MAP4K5: variants seen among roughly 807,000 people sequenced by gnomAD.
MAP4K5 encodes mitogen-activated protein kinase kinase kinase kinase 5.
A neutral mutation model predicts 135.6 loss-of-function variants in MAP4K5; 82 were observed. The ratio of observed to expected loss-of-function variants is 0.60; its 90% CI spans 0.51 to 0.73. MAP4K5 has a LOEUF of 0.73. Ranked by LOEUF, MAP4K5 falls within the 30% of genes least tolerant of loss-of-function variation. The pLI, the probability that MAP4K5 is intolerant of heterozygous loss-of-function variation, is 0.00. For synonymous variants in MAP4K5, 347 were observed against 335.0 expected (o/e 1.04, Z -0.39); for missense variants, 907 against 1,010.9 (o/e 0.90, Z 1.39).
intron 1 of MAP4K5, among the ~76,000 whole-genome samples, chr14:50,549,219 G>T (rs1215914277): frequency 6.6e-6 from 1 of 152,116 alleles, no homozygotes; most frequent in African/African-American, 2.4e-5. Flanking sequence ...GTCTAGCAAA[G>T]GCACCCAACA....
At chr14:50,447,959 A>G (rs1022667903) in intron 15 of MAP4K5, among the ~76,000 whole-genome samples, 4 of 152,212 alleles carry the variant, frequency 2.6e-5, no homozygotes, top group African/African-American at 9.6e-5. Flanking sequence ...TCAATAGGCT[A>G]GGTTAGGCTA....
At chr14:50,529,377 A>T (rs2038337627) in intron 2 of MAP4K5, among the ~76,000 whole-genome samples, 1 of 152,160 alleles carries the variant, frequency 6.6e-6, no homozygotes, top group South Asian at 2.1e-4. Flanking sequence ...ACAGAGCGAC[A>T]TCCTGTATCC....
chr14:50,461,531 G>GA lies in MAP4K5; in HGVS notation c.936+1133dup, dbSNP rs755799551. ...AACATAAGGAGAGAAAGAGACTGGTGAAAAAATATAGCTGTGCTATAGTCA... is the reference window on the plus strand; with the variant it reads ...AACATAAGGAGAGAAAGAGACTGGTGAAAAAAATATAGCTGTGCTATAGTCA... On this transcript the variant is annotated intron_variant, in intron 13 of 32. Coordinates refer to ENST00000682126, the MANE Select transcript of MAP4K5 (RefSeq NM_006575.6). 7.2e-5 allele frequency among the ~76,000 whole-genome samples: 11 copies of GA among 152,204 alleles called. No homozygotes were observed. In the East Asian group the frequency reaches 7.7e-4, roughly 11 times the overall value.
At chr14:50,459,972 A>G (rs895154503) in intron 13 of MAP4K5, among the ~76,000 whole-genome samples, 4 of 152,008 alleles carry the variant, frequency 2.6e-5, no homozygotes, top group African/African-American at 9.7e-5. Context: ...CAGTGCTGAG[A>G]TTACAGACAG....
intron 9 of MAP4K5, among the ~76,000 whole-genome samples, chr14:50,473,716 CTT>C (rs398077753): frequency 1.0e-5 from 1 of 95,502 alleles, no homozygotes; most frequent in Non-Finnish European, 1.9e-5. Flanking sequence ...TTTGGTTTCA[CTT>C]TTTTTTTTTT....
chr14:50,468,580 C>T, intron 10 of MAP4K5, 71 bp downstream of exon 10: 1 of 1,460,830 alleles, frequency 6.8e-7, no homozygotes, highest in Non-Finnish European at 9.4e-7. Context: ...GAGCTTGATG[C>T]TGAGTTATCA....
At chr14:50,477,745 T>G (rs907232043) in intron 6 of MAP4K5, among the ~76,000 whole-genome samples, 3 of 152,164 alleles carry the variant, frequency 2.0e-5, no homozygotes, top group South Asian at 2.1e-4. Context: ...TGGTTTTTCT[T>G]TTTTAGTTGT....
chr14:50,489,031 C>T (rs542350812), intron 3 of MAP4K5, among the ~76,000 whole-genome samples: 1 of 152,202 alleles, frequency 6.6e-6, no homozygotes, highest in African/African-American at 2.4e-5. Context: ...ATCTGAAATT[C>T]GGATAGTTGA....
intron 5 of MAP4K5, 29 bp from the exon 6 acceptor site, chr14:50,482,445 T>C (rs760906828): frequency 1.5e-5 from 21 of 1,441,072 alleles, no homozygotes; most frequent in East Asian, 2.5e-5. Flanking sequence ...CACATTGTTA[T>C]ACATTTAAAC....
chr14:50,558,485 C>T (rs907714150), intron 1 of MAP4K5, among the ~76,000 whole-genome samples: 14 of 152,160 alleles, frequency 9.2e-5, no homozygotes, highest in Non-Finnish European at 1.9e-4. Flanking sequence ...GCCAATAGTA[C>T]AAAAAGTCAC....
At position 50,502,094 on chromosome 14, in the gene MAP4K5, T is replaced by C. The variant is rs146793208; in HGVS notation, c.166+2706A>G. Among the ~76,000 whole-genome samples, 55 of 152,296 alleles carry C rather than the reference T, an allele frequency of 3.6e-4. No homozygotes were observed. In the East Asian group the frequency reaches 9.8e-3, roughly 27 times the overall value. On this transcript the variant is annotated intron_variant, in intron 3 of 32. Transcript: ENST00000682126. ...TCTAGTGGAAGATGATCAACACTTC[T>C]GTCAGAACTCATTTATGCCTACTGT...
intron 9 of MAP4K5, among the ~76,000 whole-genome samples, chr14:50,474,215 GTC>G (rs1182086449): frequency 1.3e-5 from 2 of 151,942 alleles, no homozygotes; most frequent in African/African-American, 4.8e-5. Context: ...CTGAAACCCT[GTC>G]TCTACAAAAA....
intron 10 of MAP4K5, among the ~76,000 whole-genome samples, chr14:50,467,712 C>T (rs1051141077): frequency 2.6e-5 from 4 of 151,996 alleles, no homozygotes; most frequent in Non-Finnish European, 5.9e-5. Flanking sequence ...TTGTATTGCC[C>T]ATAACAAATA....
chr14:50,558,181 A>G (rs1011070233), intron 1 of MAP4K5, among the ~76,000 whole-genome samples: 6 of 152,198 alleles, frequency 3.9e-5, no homozygotes, highest in Admixed American at 6.5e-5. Context: ...CCTGGGCAAC[A>G]TGGAGAAACC....
At chr14:50,439,952 G>C (rs1428179248) in intron 23 of MAP4K5, 61 bp downstream of exon 23, 8 of 1,324,426 alleles carry the variant, frequency 6.0e-6, no homozygotes, top group Non-Finnish European at 8.2e-6. Context: ...TAAAAATGGT[G>C]TATATTAAAA....
At chr14:50,468,043 C>A (rs567326317) in intron 10 of MAP4K5, among the ~76,000 whole-genome samples, 1 of 152,032 alleles carries the variant, frequency 6.6e-6, no homozygotes, top group South Asian at 2.1e-4. Context: ...TTTTCAGATG[C>A]CCTCAAATAT....
At chr14:50,512,424 A>C (rs919358132) in intron 2 of MAP4K5, among the ~76,000 whole-genome samples, 1 of 152,160 alleles carries the variant, frequency 6.6e-6, no homozygotes, top group Non-Finnish European at 1.5e-5. Context: ...ACAAAATGAC[A>C]TAAAATAAAG....
At chr14:50,550,412 C>G (rs1057178630) in intron 1 of MAP4K5, among the ~76,000 whole-genome samples, 4 of 152,348 alleles carry the variant, frequency 2.6e-5, no homozygotes, top group African/African-American at 9.6e-5. Flanking sequence ...GTAATGTCTT[C>G]TGAACTAGGC....
Position 50,443,686 on chromosome 14 carries a change from G to A in MAP4K5, c.1479+43C>T, listed in dbSNP as rs932524300. 4.6e-6 allele frequency: 7 copies of A among 1,524,334 alleles called. No homozygotes were observed. The African/African-American group carries it at 9.8e-5, about 21-fold the overall frequency. 94.4% of individuals were successfully genotyped at this position (1,524,334 alleles called of 1,614,324 possible). Reference sequence around the variant, plus strand: ...TAGCCAATATATTGCTGCTTCTAAAGAGAGAAAAAACGGCAAATAGTTCAC... The same window carrying A: ...TAGCCAATATATTGCTGCTTCTAAAAAGAGAAAAAACGGCAAATAGTTCAC... On this transcript the variant is annotated intron_variant, in intron 20 of 32. Coordinates refer to ENST00000682126, the MANE Select transcript of MAP4K5 (RefSeq NM_006575.6).
Sources: allele counts gnomAD v4.1 joint callset (sites outside exome capture counted in the v4.1 genomes callset), GRCh38; gene constraint gnomAD v4.1.1; transcripts MANE v1.5; gene names NCBI Gene and HGNC (gene_info 2026-07-23, HGNC 2026-07-21).